The following MELK variants were observed in gnomAD, a reference collection of about 807,000 sequenced individuals.
MELK encodes the protein maternal embryonic leucine zipper kinase, also known as pEg3 kinase.
MELK carries 81 observed loss-of-function variants against 85.0 expected under a neutral mutation model. The ratio of observed to expected loss-of-function variants is 0.95; its 90% CI spans 0.80 to 1.15. The LOEUF is 1.15. Ranked by LOEUF, MELK falls within the 50% of genes most tolerant of loss-of-function variation. The pLI is 0.00. For missense variants in MELK, 754 were observed against 777.5 expected, an observed-to-expected ratio of 0.97 and a Z score of 0.36; for synonymous variants, 252 against 265.0, an observed-to-expected ratio of 0.95 and a Z score of 0.48.
rs183417867 is a variant in MELK, at chr9:36,652,899, C to T, written c.1053+1022C>T. 7.9e-5 allele frequency among the ~76,000 whole-genome samples: 12 copies of T among 151,652 alleles called. No homozygotes were observed. In the South Asian group the frequency reaches 8.4e-4, roughly 11 times the overall value. ...CACGCATTCAAGTACTTTTAAAGGA[C>T]ACATTATTGAATTGCAGAGAACAAA... On this transcript the variant is annotated intron_variant, in intron 12 of 17. Transcript: ENST00000298048.
chr9:36,655,541 A>T (rs1158836174), intron 12 of MELK, among the ~76,000 whole-genome samples: 1 of 152,180 alleles, frequency 6.6e-6, no homozygotes, highest in East Asian at 1.9e-4. Context: ...AATGCACATC[A>T]GAATTTTAGA....
intron 2 of MELK, 21 bp downstream of exon 2, chr9:36,581,760 G>A (rs1035649137): frequency 3.8e-6 from 6 of 1,560,024 alleles, no homozygotes; most frequent in Non-Finnish European, 5.3e-6. Context: ...TTTTTTTTTG[G>A]AGGCAGTGGA....
chr9:36,579,019 A>G (rs977236907), intron 1 of MELK, among the ~76,000 whole-genome samples: 2 of 136,162 alleles, frequency 1.5e-5, no homozygotes, highest in Non-Finnish European at 3.1e-5. Flanking sequence ...ATTTATTTAT[A>G]TATTTATTTA....
rs779634205 is a variant in MELK at position 36,633,148 on chromosome 9, C to T, written c.782C>T (p.Pro261Leu). Residue 261 changes from proline (P) to leucine (L), a missense_variant, in exon 10 of 18, where the codon CCC (proline) becomes CTC (leucine). Coordinates refer to ENST00000298048, the MANE Select transcript of MELK (RefSeq NM_014791.4). Reference protein sequence around the residue: ...RISMKNLLNHPWIMQDYNYPV... With the variant: ...RISMKNLLNHLWIMQDYNYPV... ...TCTATGAAAAATCTATTGAACCATC[C>T]CTGGATCATGCAAGATTACAACTAT... The T allele has an allele frequency of 4.3e-6, 7 of 1,610,636 alleles. No individual in the cohort carries two copies. Among genetic ancestry groups the T allele is most frequent in the Admixed American group, 1.7e-5 (1 of 58,916 alleles).
chr9:36,583,354 A>T (rs1822457779), intron 2 of MELK, among the ~76,000 whole-genome samples: 1 of 151,998 alleles, frequency 6.6e-6, no homozygotes, highest in African/African-American at 2.4e-5. Flanking sequence ...AGCAGTGTTA[A>T]TTATAAAGGA....
At chr9:36,648,457 T>C (rs1480594897) in intron 11 of MELK, among the ~76,000 whole-genome samples, 2 of 152,322 alleles carry the variant, frequency 1.3e-5, no homozygotes, top group East Asian at 1.9e-4. Flanking sequence ...TCTCTACCTG[T>C]GCTGCATAAC....
At chr9:36,607,772 T>C in intron 8 of MELK, 99 bp downstream of exon 8, 1 of 865,828 alleles carries the variant, frequency 1.2e-6, no homozygotes, top group South Asian at 1.6e-5. Context: ...ATAAAAGTTA[T>C]TCTCTGCTGT....
chr9:36,608,792 A>G (rs1183807917), intron 8 of MELK, among the ~76,000 whole-genome samples: 1 of 152,140 alleles, frequency 6.6e-6, no homozygotes, highest in African/African-American at 2.4e-5. Flanking sequence ...CATGTTGGTC[A>G]GGCTGGTCTC....
chr9:36,573,327 TC>T (rs929173710), intron 1 of MELK: 1 of 152,094 alleles, frequency 6.6e-6, no homozygotes, highest in African/African-American at 2.4e-5. Flanking sequence ...CCGTGACTCT[TC>T]CCCGCGAAAA....
chr9:36,590,768 T>A (rs776522863), intron 4 of MELK, among the ~76,000 whole-genome samples: 40 of 152,188 alleles, frequency 2.6e-4, no homozygotes, highest in Admixed American at 1.6e-3. Context: ...TAGCACTGTT[T>A]TAAAAGCATA....
chr9:36,618,551 T>C (rs1827085876), intron 8 of MELK, among the ~76,000 whole-genome samples: 1 of 152,234 alleles, frequency 6.6e-6, no homozygotes, highest in Non-Finnish European at 1.5e-5. Context: ...GCAGACAACT[T>C]GTTAAATCTA....
chr9:36,575,341 G>T (rs1366787345), intron 1 of MELK, among the ~76,000 whole-genome samples: 1 of 152,132 alleles, frequency 6.6e-6, no homozygotes, highest in East Asian at 1.9e-4. Flanking sequence ...AGGCTTTTCT[G>T]TATTCTATAT....
At chr9:36,591,528 C>T (rs914640044) in intron 4 of MELK, among the ~76,000 whole-genome samples, 2 of 151,238 alleles carry the variant, frequency 1.3e-5, no homozygotes, top group African/African-American at 4.9e-5. Context: ...GAGCTGAGAT[C>T]ATGCCACTGC....
intron 10 of MELK, among the ~76,000 whole-genome samples, chr9:36,639,039 G>A (rs1032746020): frequency 6.6e-6 from 1 of 152,210 alleles, no homozygotes; most frequent in African/African-American, 2.4e-5. Flanking sequence ...AGCTACTGGA[G>A]CAGAGTGATG....
At chr9:36,615,694 A>G (rs1406065402) in intron 8 of MELK, among the ~76,000 whole-genome samples, 2 of 143,986 alleles carry the variant, frequency 1.4e-5, no homozygotes, top group African/African-American at 2.7e-5. Flanking sequence ...GGCCGGGCAG[A>G]GGCGCTCCTC....
At chr9:36,670,744 G>A (rs1339265551) in intron 15 of MELK, among the ~76,000 whole-genome samples, 1 of 149,192 alleles carries the variant, frequency 6.7e-6, no homozygotes, top group African/African-American at 2.5e-5. Flanking sequence ...TATGAAAAAA[G>A]GATATATATA....
In MELK at chr9:36,671,103, T is replaced by C. The variant is rs1351850749; in HGVS notation, c.1611T>C (p.Val537=). Residue 537 remains valine (V), a synonymous_variant, in exon 16 of 18, where the codon GTT becomes GTC. Coordinates refer to ENST00000298048, the MANE Select transcript of MELK (RefSeq NM_014791.4). ...GCCTTGAAAGGGGGTTGGATAAGGT[T>C]ATCACTGTGCTCACCAGGAGCAAAA... ...FGSLERGLDK[V]ITVLTRSKRK... 6.2e-7 allele frequency: 1 copy of C among 1,612,844 alleles called. No homozygotes were observed. Among genetic ancestry groups the C allele is most frequent in the Non-Finnish European group, 8.5e-7 (1 of 1,179,436 alleles).
intron 2 of MELK, among the ~76,000 whole-genome samples, chr9:36,583,077 C>T (rs539380872): frequency 6.6e-6 from 1 of 151,676 alleles, no homozygotes; most frequent in South Asian, 2.1e-4. Context: ...GGGTTCATGC[C>T]ATTCTCCTGC....
intron 8 of MELK, among the ~76,000 whole-genome samples, chr9:36,619,612 T>TA (rs11451344): frequency 0.035 from 5,294 of 151,534 alleles, 291 homozygotes; most frequent in African/African-American, 0.12. Context: ...TATGTAGATT[T>TA]AAAAAAAAAT....
Sources: gnomAD v4.1 joint callset for allele counts (sites outside exome capture counted in the v4.1 genomes callset) on GRCh38, gnomAD v4.1.1 for gene constraint, MANE v1.5 for transcripts, NCBI Gene and HGNC (gene_info 2026-07-23, HGNC 2026-07-21) for gene names.